The following KRT73 variants were observed in gnomAD, a reference collection of about 807,000 sequenced individuals.
The protein encoded by KRT73 is keratin 73.
KRT73 carries 44 observed loss-of-function variants against 47.2 expected under a neutral mutation model. The observed-to-expected ratio is 0.93, with a 90% CI of 0.73 to 1.20. KRT73 has a LOEUF of 1.20. Among genes scored for constraint, KRT73 ranks in the 50% most tolerant of loss-of-function variants. The pLI is 0.00. For synonymous variants in KRT73, 285 were observed against 291.3 expected, an observed-to-expected ratio of 0.98 and a Z score of 0.22; for missense variants, 713 against 704.5, an observed-to-expected ratio of 1.01 and a Z score of -0.14.
At chr12:52,628,515 A>G in the KRT73 span, among the ~76,000 whole-genome samples, 9 of 152,224 alleles carry the variant, frequency 5.9e-5, no homozygotes, top group Non-Finnish European at 1.3e-4. Context: ...ACTTCTTGCT[A>G]AACATGGTTG....
At chr12:52,628,762 G>C in the KRT73 span, among the ~76,000 whole-genome samples, 1 of 152,112 alleles carries the variant, frequency 6.6e-6, no homozygotes, top group Admixed American at 6.5e-5. Context: ...CTTTCTTCTG[G>C]GGCCTGGCAT....
At chr12:52,627,743 C>G in the KRT73 span, among the ~76,000 whole-genome samples, 1 of 152,176 alleles carries the variant, frequency 6.6e-6, no homozygotes, top group East Asian at 1.9e-4. Flanking sequence ...GGCTCAAGGC[C>G]TGAAGTTATT....
intron 5 of KRT73, 184 bp downstream of exon 5, chr12:52,613,504 T>G: frequency 1.1e-5 from 13 of 1,142,390 alleles, no homozygotes; most frequent in Non-Finnish European, 1.4e-5. Context: ...GGGGTGCTGT[T>G]GATCTAAGTG....
chr12:52,617,778 T>C (rs185827150), intron 1 of KRT73, among the ~76,000 whole-genome samples: 1 of 152,280 alleles, frequency 6.6e-6, no homozygotes, highest in Non-Finnish European at 1.5e-5. Context: ...ATGTCCAGGC[T>C]TTGTCCAGTT....
intron 1 of KRT73, among the ~76,000 whole-genome samples, chr12:52,616,924 T>G (rs1242990783): frequency 3.9e-5 from 6 of 152,180 alleles, no homozygotes; most frequent in African/African-American, 1.4e-4. Flanking sequence ...AATCACAGCA[T>G]TGTCCCAGCA....
At chr12:52,619,012 T>C (rs1370065891), upstream of KRT73, among the ~76,000 whole-genome samples, 1 of 152,230 alleles carries the variant, frequency 6.6e-6, no homozygotes, top group Non-Finnish European at 1.5e-5. Flanking sequence ...AGGCTGCTGC[T>C]GCCTGGCTTC....
intron 7 of KRT73, 63 bp downstream of exon 7, chr12:52,610,552 C>G: frequency 1.7e-6 from 2 of 1,169,926 alleles, no homozygotes; most frequent in Non-Finnish European, 2.4e-6. Context: ...CGCCCCCAAC[C>G]ACACTCTGGG....
At chr12:52,621,933 G>A (rs913272260), upstream of KRT73, among the ~76,000 whole-genome samples, 2 of 152,106 alleles carry the variant, frequency 1.3e-5, no homozygotes, top group Non-Finnish European at 2.9e-5. Flanking sequence ...ACCATGTGGG[G>A]AGCCCAGACT....
intron 7 of KRT73, 80 bp downstream of exon 7, chr12:52,610,530 CCCCCT>C: frequency 1.7e-5 from 3 of 177,906 alleles, no homozygotes; most frequent in Non-Finnish European, 3.5e-5. Context: ...CAGCTCGCCG[CCCCCT>C]CCCCCCCGCC....
Position 52,609,236 on chromosome 12 carries a change from G to A in KRT73, c.1366+11C>T, listed in dbSNP as rs1940645028. ...ACTAAAAGTATTCCCTCAGAGTCAT[G>A]AAATACTCACAAATGCTCACGGAGT... On this transcript the variant is annotated intron_variant, in intron 8 of 8. Transcript: ENST00000305748. 1 of 1,612,252 alleles carries A rather than the reference G, an allele frequency of 6.2e-7. No homozygotes were observed. Among genetic ancestry groups the A allele is most frequent in the East Asian group, 2.2e-5 (1 of 44,876 alleles).
chr12:52,612,976 T>G (rs1940734233), intron 5 of KRT73: 1 of 152,180 alleles, frequency 6.6e-6, no homozygotes, highest in African/African-American at 2.4e-5. Flanking sequence ...ACTGAAGAGT[T>G]GAGTTTGAAC....
At chr12:52,615,244 T>G in intron 3 of KRT73, 35 bp downstream of exon 3, 2 of 1,589,882 alleles carry the variant, frequency 1.3e-6, no homozygotes, top group East Asian at 2.2e-5. Context: ...CACCCACTGC[T>G]GGGGGACTGA....
At chr12:52,610,529 G>GGCCCCCCCCCCCCCCCCCCCC in intron 7 of KRT73, 86 bp downstream of exon 7, 1 of 295,156 alleles carries the variant, frequency 3.4e-6, no homozygotes, top group Non-Finnish European at 6.8e-6. Context: ...CCAGCTCGCC[G>GGCCCCCCCCCCCCCCCCCCCC]CCCCCTCCCC....
chr12:52,609,681 G>C (rs1443785143), intron 7 of KRT73, among the ~76,000 whole-genome samples: 1 of 152,214 alleles, frequency 6.6e-6, no homozygotes, highest in Non-Finnish European at 1.5e-5. Context: ...CCAGGTCTCA[G>C]TTATAAAATG....
At chr12:52,613,185 G>T (rs1940738199) in intron 5 of KRT73, among the ~76,000 whole-genome samples, 1 of 152,188 alleles carries the variant, frequency 6.6e-6, no homozygotes, top group African/African-American at 2.4e-5. Context: ...ATTATCTAAA[G>T]AATCACTTCC....
intron 3 of KRT73, 165 bp from the exon 4 acceptor site, chr12:52,614,839 C>T (rs972825485): frequency 6.3e-5 from 37 of 584,520 alleles, no homozygotes; most frequent in East Asian, 5.1e-4. Context: ...AGACTCACTG[C>T]GAAACCTGGG....
chr12:52,614,018 A>G, intron 4 of KRT73, 166 bp from the exon 5 acceptor site: 1 of 967,354 alleles, frequency 1.0e-6, no homozygotes, highest in South Asian at 1.9e-5. Flanking sequence ...TTCCAATACC[A>G]CATCTGAAAA....
chr12:52,617,199 T>C (rs544637058), intron 1 of KRT73, among the ~76,000 whole-genome samples: 3 of 152,160 alleles, frequency 2.0e-5, no homozygotes, highest in African/African-American at 7.2e-5. Flanking sequence ...AAACTCCTAC[T>C]CATGCCTCAC....
intron 7 of KRT73, 25 bp from the exon 8 acceptor site, chr12:52,609,306 A>G: frequency 6.2e-7 from 1 of 1,609,624 alleles, no homozygotes; most frequent in South Asian, 1.1e-5. Flanking sequence ...AGCACAGGAG[A>G]GTCTGAATCA....
Sources: gnomAD v4.1 joint callset for allele counts (sites outside exome capture counted in the v4.1 genomes callset) on GRCh38, gnomAD v4.1.1 for gene constraint, MANE v1.5 for transcripts, NCBI Gene and HGNC (gene_info 2026-07-23, HGNC 2026-07-21) for gene names.